AGTPBP1: variants seen among roughly 807,000 people sequenced by gnomAD.
AGTPBP1 encodes the protein cytosolic carboxypeptidase 1.
A neutral mutation model predicts 143.9 loss-of-function variants in AGTPBP1; 70 were observed. The observed-to-expected ratio is 0.49, with a 90% confidence interval of 0.40 to 0.59. The LOEUF is 0.59. Among genes scored for constraint, AGTPBP1 ranks in the 20% least tolerant of loss-of-function variants. The pLI is 0.00. For missense variants in AGTPBP1, 1,229 were observed against 1,464.5 expected (o/e 0.84, Z 2.62); for synonymous variants, 463 against 500.2 (o/e 0.93, Z 0.99).
At chr9:85,664,206 C>T (rs553795857) in intron 8 of AGTPBP1, among the ~76,000 whole-genome samples, 1 of 152,202 alleles carries the variant, frequency 6.6e-6, no homozygotes, top group Admixed American at 6.6e-5. Context: ...CACAATAAAG[C>T]CTCTGGGGGT....
At chr9:85,595,639 C>A (rs986698022) in intron 18 of AGTPBP1, among the ~76,000 whole-genome samples, 1 of 152,092 alleles carries the variant, frequency 6.6e-6, no homozygotes, top group Admixed American at 6.5e-5. Context: ...CGATTCTCTT[C>A]CCTCAGCCTC....
At chr9:85,643,092 T>A (rs543232163) in intron 12 of AGTPBP1, 149 bp from the exon 13 acceptor site, 1 of 609,850 alleles carries the variant, frequency 1.6e-6, no homozygotes, top group South Asian at 2.2e-5. Context: ...TTATCTTAAA[T>A]TCAAATTTGC....
intron 1 of AGTPBP1, among the ~76,000 whole-genome samples, chr9:85,725,874 C>T (rs1158441509): frequency 6.6e-6 from 1 of 151,610 alleles, no homozygotes; most frequent in East Asian, 1.9e-4. Flanking sequence ...GGCGAAATCC[C>T]GTCTCTACTA....
chr9:85,734,529 T>C (rs1259322132), intron 1 of AGTPBP1, among the ~76,000 whole-genome samples: 1 of 152,044 alleles, frequency 6.6e-6, no homozygotes, highest in Non-Finnish European at 1.5e-5. Context: ...TACAGCAACA[T>C]GAAGGCAAAT....
At chr9:85,785,066 C>T in the AGTPBP1 span, among the ~76,000 whole-genome samples, 4 of 152,166 alleles carry the variant, frequency 2.6e-5, no homozygotes, top group Non-Finnish European at 5.9e-5. Context: ...GGTGCGGTGG[C>T]TCATGCCTGT....
the AGTPBP1 span, among the ~76,000 whole-genome samples, chr9:85,802,161 C>T: frequency 2.6e-5 from 4 of 152,132 alleles, no homozygotes; most frequent in African/African-American, 4.8e-5. Flanking sequence ...CATCTCTTAT[C>T]GTTCCAAGGT....
chr9:85,780,552 A>G, the AGTPBP1 span, among the ~76,000 whole-genome samples: 2 of 151,912 alleles, frequency 1.3e-5, no homozygotes, highest in South Asian at 4.2e-4. Context: ...CAGCCAATGA[A>G]CAGAGTTCCA....
At chr9:85,771,985 CTTT>C in the AGTPBP1 span, among the ~76,000 whole-genome samples, 3 of 132,318 alleles carry the variant, frequency 2.3e-5, no homozygotes, top group Non-Finnish European at 1.6e-5. Context: ...TTATGCTGTT[CTTT>C]TTTTTTTTTT....
At chr9:85,715,634 G>A (rs1023216098) in intron 1 of AGTPBP1, among the ~76,000 whole-genome samples, 1 of 152,126 alleles carries the variant, frequency 6.6e-6, no homozygotes, top group Non-Finnish European at 1.5e-5. Context: ...CCAGGAAAAA[G>A]GTCAGTTCTC....
intron 21 of AGTPBP1, 136 bp from the exon 22 acceptor site, chr9:85,587,096 G>T (rs1431996763): frequency 2.8e-5 from 30 of 1,082,104 alleles, no homozygotes; most frequent in Non-Finnish European, 3.4e-5. Context: ...AGGTATAGAT[G>T]GTAAGCTCAA....
At chr9:85,552,569 CCT>C (rs1024668351) in intron 25 of AGTPBP1, among the ~76,000 whole-genome samples, 1 of 152,166 alleles carries the variant, frequency 6.6e-6, no homozygotes, top group Admixed American at 6.5e-5. Flanking sequence ...CAAGCCATTT[CCT>C]CTCTCTGAGC....
chr9:85,724,063 G>A (rs1307476216), intron 1 of AGTPBP1, among the ~76,000 whole-genome samples: 1 of 152,048 alleles, frequency 6.6e-6, no homozygotes, highest in Non-Finnish European at 1.5e-5. Context: ...GAGGAAGGTG[G>A]ATCACTTGAG....
At chr9:85,681,371 A>G in intron 3 of AGTPBP1, 36 bp from the exon 4 acceptor site, 4 of 1,581,828 alleles carry the variant, frequency 2.5e-6, no homozygotes, top group Non-Finnish European at 3.5e-6. Flanking sequence ...CTCAAACATA[A>G]ATTTTTAAAA....
chr9:85,602,610 C>T (rs1248351300), intron 17 of AGTPBP1, among the ~76,000 whole-genome samples: 2 of 152,182 alleles, frequency 1.3e-5, no homozygotes, highest in African/African-American at 2.4e-5. Context: ...AGAGGCAGAA[C>T]AAGATGGCCA....
intron 4 of AGTPBP1, among the ~76,000 whole-genome samples, chr9:85,680,796 A>C (rs1835119875): frequency 6.6e-6 from 1 of 152,200 alleles, no homozygotes; most frequent in African/African-American, 2.4e-5. Flanking sequence ...GTCCACCAAA[A>C]ACTTTACACT....
chr9:85,626,445 T>C (rs1831299978), intron 14 of AGTPBP1, among the ~76,000 whole-genome samples: 1 of 152,212 alleles, frequency 6.6e-6, no homozygotes, highest in African/African-American at 2.4e-5. Context: ...TCATTTACAA[T>C]GCATTCAGGT....
chr9:85,797,573 C>T, the AGTPBP1 span, among the ~76,000 whole-genome samples: 1 of 152,162 alleles, frequency 6.6e-6, no homozygotes, highest in Non-Finnish European at 1.5e-5. Context: ...GTGTGCTCTC[C>T]AGGCCTGCTA....
intron 1 of AGTPBP1, among the ~76,000 whole-genome samples, chr9:85,713,102 C>T (rs954182088): frequency 1.3e-5 from 2 of 152,232 alleles, no homozygotes; most frequent in African/African-American, 4.8e-5. Flanking sequence ...TCGATTCACA[C>T]AATTTTTATA....
At chr9:85,716,480 T>A (rs1490241712) in intron 1 of AGTPBP1, among the ~76,000 whole-genome samples, 1 of 152,230 alleles carries the variant, frequency 6.6e-6, no homozygotes, top group Admixed American at 6.5e-5. Context: ...CCCTTCCAAG[T>A]GTGCTCTACT....
Sources: allele counts gnomAD v4.1 joint callset (sites outside exome capture counted in the v4.1 genomes callset), GRCh38; gene constraint gnomAD v4.1.1; transcripts MANE v1.5; gene names NCBI Gene and HGNC (gene_info 2026-07-23, HGNC 2026-07-21).